HMGCLL1: variants seen among roughly 807,000 people sequenced by gnomAD.
The protein encoded by HMGCLL1 is 3-hydroxymethyl-3-methylglutaryl-CoA lyase, cytoplasmic.
Under a neutral mutation model 39.1 loss-of-function variants are expected in HMGCLL1, and 36 were observed. That is an observed-to-expected ratio of 0.92 (90% CI 0.71 to 1.22). The LOEUF (loss-of-function observed/expected upper bound fraction) is 1.22, where lower values mean the gene tolerates loss of function less well. HMGCLL1 is among the 50% of genes most tolerant of loss of function. The probability of loss-of-function intolerance (pLI) is 0.00; values close to 1 mark genes in which losing one functional copy is unlikely to be tolerated. For missense variants in HMGCLL1, 451 were observed against 416.5 expected (o/e 1.08, Z -0.72); for synonymous variants, 149 against 144.0 (o/e 1.03, Z -0.25).
chr6:55,561,997 T>A (rs1271956244), intron 1 of HMGCLL1, among the ~76,000 whole-genome samples: 1 of 152,242 alleles, frequency 6.6e-6, no homozygotes, highest in East Asian at 1.9e-4. Flanking sequence ...TAAGTCATTT[T>A]AAATTTCTAT....
chr6:55,653,749 A>C, the HMGCLL1 span, among the ~76,000 whole-genome samples: 2 of 151,956 alleles, frequency 1.3e-5, no homozygotes, highest in African/African-American at 2.4e-5. Context: ...AACACTTCCC[A>C]GTGTGTGTTC....
Position 55,495,537 on chromosome 6 carries a change from G to T in HMGCLL1, c.677C>A (p.Pro226Gln). 6.2e-7 allele frequency: 1 copy of T among 1,613,676 alleles called. No individual in the cohort carries two copies. Among genetic ancestry groups the T allele is most frequent in the Non-Finnish European group, 8.5e-7 (1 of 1,179,742 alleles). Residue 226 changes from proline (P) to glutamine (Q), a missense_variant, in exon 7 of 9, where the codon CCA becomes CAA. Physicochemically the swap from Pro to Gln is moderately conservative, Grantham distance 76. Transcript: ENST00000274901. ...TTCCAACATTCTTTTCATACTTCCT[G>T]GAGTTCCCACTCCAATTGTGTCTCC... ...SLGDTIGVGT[P>Q]GSMKRMLESV...
At chr6:55,594,335 T>C in the HMGCLL1 span, among the ~76,000 whole-genome samples, 1 of 152,286 alleles carries the variant, frequency 6.6e-6, no homozygotes, top group African/African-American at 2.4e-5. Context: ...TCAGGTCTAG[T>C]TTACACGGTC....
chr6:55,634,808 C>T, the HMGCLL1 span, among the ~76,000 whole-genome samples: 3 of 152,080 alleles, frequency 2.0e-5, no homozygotes, highest in African/African-American at 4.8e-5. Flanking sequence ...ACTTCCTTTG[C>T]TCACTATTTA....
At chr6:55,469,285 T>C (rs552167208) in intron 7 of HMGCLL1, among the ~76,000 whole-genome samples, 1 of 150,796 alleles carries the variant, frequency 6.6e-6, no homozygotes, top group African/African-American at 2.4e-5. Context: ...TACAATTTTT[T>C]TTGCTTCCCA....
intron 1 of HMGCLL1, among the ~76,000 whole-genome samples, chr6:55,550,543 T>A (rs1407885404): frequency 6.6e-6 from 1 of 151,808 alleles, no homozygotes; most frequent in Non-Finnish European, 1.5e-5. Context: ...CGCAAACAAA[T>A]CCTTGTCCAG....
the HMGCLL1 span, among the ~76,000 whole-genome samples, chr6:55,588,719 G>A: frequency 6.6e-6 from 1 of 151,964 alleles, no homozygotes; most frequent in Non-Finnish European, 1.5e-5. Flanking sequence ...AATGATAAAA[G>A]GGATATCACC....
the HMGCLL1 span, among the ~76,000 whole-genome samples, chr6:55,607,427 CCTT>C: frequency 6.6e-6 from 1 of 152,114 alleles, no homozygotes; most frequent in Non-Finnish European, 1.5e-5. Context: ...TCCAGATTCT[CCTT>C]CTGAGAAAGA....
chr6:55,595,716 G>T, the HMGCLL1 span, among the ~76,000 whole-genome samples: 1 of 152,076 alleles, frequency 6.6e-6, no homozygotes, highest in South Asian at 2.1e-4. Flanking sequence ...ACTTGGAATT[G>T]GTTGGGAAAC....
the HMGCLL1 span, among the ~76,000 whole-genome samples, chr6:55,637,715 T>TGC: frequency 7.7e-3 from 1 of 130 alleles, no homozygotes; most frequent in East Asian, 0.1. Context: ...TAATTTGATA[T>TGC]GTGTGTGTGT....
intron 1 of HMGCLL1, among the ~76,000 whole-genome samples, chr6:55,548,671 A>G (rs989612014): frequency 6.6e-6 from 1 of 152,004 alleles, no homozygotes; most frequent in Non-Finnish European, 1.5e-5. Context: ...GGTGTTTAAT[A>G]TTCATCAATT....
chr6:55,642,683 G>T, the HMGCLL1 span, among the ~76,000 whole-genome samples: 1 of 151,980 alleles, frequency 6.6e-6, no homozygotes, highest in Admixed American at 6.6e-5. Flanking sequence ...GCTTGTTGTA[G>T]AGGTAAACTT....
chr6:55,660,141 A>G, the HMGCLL1 span, among the ~76,000 whole-genome samples: 4 of 151,836 alleles, frequency 2.6e-5, no homozygotes, highest in African/African-American at 9.7e-5. Context: ...CCCCTGCATT[A>G]CTGAATAATA....
chr6:55,482,689 G>T (rs1173615304), intron 7 of HMGCLL1, among the ~76,000 whole-genome samples: 1 of 151,976 alleles, frequency 6.6e-6, no homozygotes, highest in African/African-American at 2.4e-5. Context: ...ACTAAGAAAT[G>T]TGAGCTTTAT....
chr6:55,651,274 G>A, the HMGCLL1 span, among the ~76,000 whole-genome samples: 1 of 152,042 alleles, frequency 6.6e-6, no homozygotes, highest in Non-Finnish European at 1.5e-5. Flanking sequence ...AACTACATCA[G>A]CTTCATGTTA....
intron 7 of HMGCLL1, among the ~76,000 whole-genome samples, chr6:55,456,554 A>G (rs1299370030): frequency 6.6e-6 from 1 of 152,158 alleles, no homozygotes; most frequent in African/African-American, 2.4e-5. Context: ...TTCAGGATGC[A>G]TTTCCCCAGT....
intron 1 of HMGCLL1, 122 bp downstream of exon 1, chr6:55,578,826 G>C: frequency 1.4e-6 from 1 of 707,846 alleles, no homozygotes; most frequent in Non-Finnish European, 2.5e-6. Flanking sequence ...GAACTGCTGC[G>C]GGAAGGGTCC....
rs1383872399 is a variant in HMGCLL1 at position 55,477,321 on chromosome 6, AT to A, written c.795+18097del. Among the ~76,000 whole-genome samples the A allele has an allele frequency of 1.4e-3, 23 of 15,984 alleles. 3 individuals carry two copies. The highest frequency in any genetic ancestry group is 2.6e-4 in the Non-Finnish European group (3 of 11,366). 10.5% of individuals were successfully genotyped at this position (15,984 alleles called of 152,430 possible). On this transcript the variant is annotated intron_variant, in intron 7 of 8. Transcript: ENST00000274901. ...AATATATATTATATATATAATATAT[AT>A]TATATTATATAATATATATTATATT...
At chr6:55,546,042 A>G (rs1204207228) in intron 1 of HMGCLL1, among the ~76,000 whole-genome samples, 2 of 152,242 alleles carry the variant, frequency 1.3e-5, no homozygotes, top group African/African-American at 2.4e-5. Flanking sequence ...GAGAGATACT[A>G]TCTCTCTTTC....
Sources: allele counts gnomAD v4.1 joint callset (sites outside exome capture counted in the v4.1 genomes callset), GRCh38; gene constraint gnomAD v4.1.1; transcripts MANE v1.5; gene names NCBI Gene and HGNC (gene_info 2026-07-23, HGNC 2026-07-21).